The following OAS2 variants were observed in gnomAD, a reference collection of about 807,000 sequenced individuals.
OAS2 encodes 2'-5'-oligoadenylate synthetase 2.
Under a neutral mutation model 71.3 loss-of-function variants are expected in OAS2, and 67 were observed. That is an observed-to-expected ratio of 0.94 (90% CI 0.77 to 1.15). OAS2 has a LOEUF of 1.15. OAS2 is among the 50% of genes most tolerant of loss of function. OAS2 has a pLI of 0.00. For missense variants in OAS2, 789 were observed against 822.5 expected, an observed-to-expected ratio of 0.96 and a Z score of 0.50; for synonymous variants, 327 against 321.8, an observed-to-expected ratio of 1.02 and a Z score of -0.17.
chr12:113,009,007 G>A, intron 9 of OAS2, 80 bp from the exon 10 acceptor site: 1 of 1,535,778 alleles, frequency 6.5e-7, no homozygotes, highest in Non-Finnish European at 8.7e-7. Flanking sequence ...TCTTATTGCT[G>A]AAAGTATTAT....
intron 5 of OAS2, among the ~76,000 whole-genome samples, chr12:113,001,149 G>A (rs1411557387): frequency 6.6e-6 from 1 of 151,868 alleles, no homozygotes; most frequent in Non-Finnish European, 1.5e-5. Flanking sequence ...TTTGAGACCA[G>A]CCTGAGCAAC....
intron 7 of OAS2, among the ~76,000 whole-genome samples, 166 bp from the exon 8 acceptor site, chr12:113,006,247 T>C (rs931336008): frequency 3.3e-5 from 5 of 152,254 alleles, no homozygotes; most frequent in Admixed American, 3.3e-4. Flanking sequence ...TTTACATATC[T>C]CATTATTCTG....
Position 113,003,051 on chromosome 12 carries a change from C to T in OAS2, c.1128C>T (p.Phe376=). 1 of 1,614,166 alleles carries T rather than the reference C, an allele frequency of 6.2e-7. No homozygotes were observed. The highest frequency in any genetic ancestry group is 8.5e-7 in the Non-Finnish European group (1 of 1,180,004). Residue 376 remains phenylalanine, a synonymous_variant, in exon 6 of 10, where the codon TTC becomes TTT. Coordinates refer to ENST00000392583, the MANE Select transcript of OAS2 (RefSeq NM_002535.3). Reference sequence around the variant, plus strand: ...GTGCTGTTAACATCATCCGTACATTCCTTAAAGAAAACTGCTTCCGACAAT... The same window carrying T: ...GTGCTGTTAACATCATCCGTACATTTCTTAAAGAAAACTGCTTCCGACAAT... ...IDSAVNIIRT[F]LKENCFRQST...
chr12:113,008,286 T>C (rs1265463036), intron 9 of OAS2, among the ~76,000 whole-genome samples: 1 of 152,156 alleles, frequency 6.6e-6, no homozygotes, highest in African/African-American at 2.4e-5. Flanking sequence ...ATCTACTCTT[T>C]CAGACCTTCA....
Position 113,010,472 on chromosome 12 carries a change from A to G in OAS2, c.*1217A>G, listed in dbSNP as rs751594550. The stretch of plus-strand genomic sequence containing the variant: ...ATAGAATCCTGAATAATAATTCTAA[A>G]AGAAACTTCTAGAGATCATCTGGCA... On this transcript the variant is annotated 3_prime_UTR_variant, in exon 10 of 10. Transcript: ENST00000392583. 1.9e-6 allele frequency: 3 copies of G among 1,613,568 alleles called. No individual in the cohort carries two copies. The Admixed American group carries it at 5.0e-5, about 27-fold the overall frequency.
At chr12:112,997,454 T>C in intron 3 of OAS2, 66 bp from the exon 4 acceptor site, 1 of 1,394,278 alleles carries the variant, frequency 7.2e-7, no homozygotes, top group East Asian at 2.3e-5. Flanking sequence ...GTTTCTTGAT[T>C]TCAGATCCCT....
chr12:112,995,422 G>A lies in OAS2; in HGVS notation c.575G>A (p.Arg192His), dbSNP rs201861824. 178 of 1,614,054 alleles carry A rather than the reference G, an allele frequency of 1.1e-4. No individual in the cohort carries two copies. The highest frequency in any genetic ancestry group is 1.6e-4 in the Middle Eastern group (1 of 6,062). ...TELQQKFFDNRPGKLKDLILL... is the reference protein window; with the variant it reads ...TELQQKFFDNHPGKLKDLILL... The stretch of plus-strand genomic sequence containing the variant: ...CTCCAGCAGAAGTTTTTTGACAACC[G>A]TCCTGGAAAACTAAAGGATTTGATC... Residue 192 changes from arginine (R) to histidine (H), a missense_variant, in exon 3 of 10, where the codon CGT becomes CAT. By Grantham distance (29) the Arg-to-His change is conservative. Transcript: ENST00000392583.
At position 112,987,258 on chromosome 12, in the gene OAS2, C is replaced by G. The variant is rs372375150; in HGVS notation, c.398C>G (p.Thr133Arg). 2.5e-5 allele frequency: 40 copies of G among 1,614,022 alleles called. No individual in the cohort carries two copies. The highest frequency in any genetic ancestry group is 3.3e-5 in the Non-Finnish European group (39 of 1,180,014). Residue 133 changes from threonine (T) to arginine (R), a missense_variant, in exon 2 of 10, where the codon ACA (threonine) becomes AGA (arginine). Coordinates refer to ENST00000392583, the MANE Select transcript of OAS2 (RefSeq NM_002535.3). ...SLDGFTIQVF[T>R]KNQRISFEVL... is the part of the protein sequence containing the mutation. ...GATGGGTTCACCATCCAGGTGTTCA[C>G]AAAAAATCAGAGAATCTCTTTCGAG... is the stretch of plus-strand genomic sequence containing the variant.
rs2044348573 is a variant in OAS2 at position 113,007,874 on chromosome 12, G to A, written c.1826G>A (p.Trp609Ter). Residue 609 changes from tryptophan to a stop codon, truncating the protein, a stop_gained, in exon 9 of 10, where the codon TGG (tryptophan) becomes TAG (stop). Transcript: ENST00000392583. LOFTEE classifies it high-confidence loss of function. ...VTQYQQLCIF[W>*]KVNYNFEDET... The stretch of plus-strand genomic sequence containing the variant: ...CAATATCAGCAGCTCTGCATCTTCT[G>A]GAAGGTCAATTACAACTTTGAAGAT... 1.2e-6 allele frequency: 2 copies of A among 1,614,034 alleles called. No individual in the cohort carries two copies. Among genetic ancestry groups the A allele is most frequent in the Admixed American group, 3.3e-5 (2 of 60,004 alleles).
At chr12:112,989,794 G>A (rs1262107244) in intron 2 of OAS2, among the ~76,000 whole-genome samples, 2 of 152,172 alleles carry the variant, frequency 1.3e-5, no homozygotes, top group Non-Finnish European at 2.9e-5. Context: ...TTTGCTGAGA[G>A]GAGAGGTCCA....
chr12:112,987,128 C>T lies in OAS2; in HGVS notation c.268C>T (p.Gln90Ter), dbSNP rs745870060. The T allele has an allele frequency of 3.1e-6, 5 of 1,614,040 alleles. No individual in the cohort carries two copies. The East Asian group carries it at 6.7e-5, about 22-fold the overall frequency. ...FFSDLKQFQD[Q>*]KRSQRDILDK... ...CAGTGACTTAAAACAATTCCAGGAT[C>T]AGAAGAGAAGCCAACGTGACATCCT... Residue 90 changes from glutamine (Q) to a stop codon, truncating the protein, a stop_gained, in exon 2 of 10, where the codon CAG becomes TAG. Transcript: ENST00000392583. LOFTEE classifies it high-confidence loss of function.
intron 2 of OAS2, among the ~76,000 whole-genome samples, chr12:112,991,524 G>A (rs7975318): frequency 0.32 from 45,475 of 140,178 alleles, 6,876 homozygotes; most frequent in Admixed American, 0.37. Flanking sequence ...GGTTCACTCC[G>A]GAAAGGCGGG....
In OAS2 at chr12:112,987,103, C is replaced by G. The variant is rs1268745293; in HGVS notation, c.243C>G (p.Phe81Leu). The change falls in exon 2 of 10, where the codon TTC becomes TTG. Residue 81 changes from phenylalanine (F) to leucine (L), a missense_variant. Phe to Leu is a conservative substitution (Grantham distance 22, BLOSUM62 0). Coordinates refer to ENST00000392583, the MANE Select transcript of OAS2 (RefSeq NM_002535.3). The part of the protein sequence containing the change: ...GNSDGTLVLF[F>L]SDLKQFQDQK... Reference sequence around the variant, plus strand: ...CCGATGGTACCCTTGTCCTCTTCTTCAGTGACTTAAAACAATTCCAGGATC... The same window carrying G: ...CCGATGGTACCCTTGTCCTCTTCTTGAGTGACTTAAAACAATTCCAGGATC... 1 of 1,614,174 alleles carries G rather than the reference C, an allele frequency of 6.2e-7. No homozygotes were observed. The highest frequency in any genetic ancestry group is 1.1e-5 in the South Asian group (1 of 91,082).
At position 113,005,088 on chromosome 12, in the gene OAS2, A is replaced by C. The variant is rs1452266605; in HGVS notation, c.1334A>C (p.Glu445Ala). The C allele has an allele frequency of 6.2e-7, 1 of 1,614,146 alleles. No individual in the cohort carries two copies. Among genetic ancestry groups the C allele is most frequent in the Non-Finnish European group, 8.5e-7 (1 of 1,180,020 alleles). Residue 445 changes from glutamate to alanine, a missense_variant, in exon 7 of 10, where the codon GAG (glutamate) becomes GCG (alanine). Glu to Ala is a moderately radical substitution (Grantham distance 107). Coordinates refer to ENST00000392583, the MANE Select transcript of OAS2 (RefSeq NM_002535.3). ...GAACAGCTGAAAGCCTTTTGGAGGG[A>C]GAAGGAGGAGGAGCTTGAAGTCAGC... is the stretch of plus-strand genomic sequence containing the variant. ...IHEQLKAFWR[E>A]KEEELEVSFE...
At chr12:112,993,813 C>G (rs1326965953) in intron 2 of OAS2, among the ~76,000 whole-genome samples, 2 of 152,006 alleles carry the variant, frequency 1.3e-5, no homozygotes, top group Non-Finnish European at 2.9e-5. Flanking sequence ...TTTGAGGGTA[C>G]AGTGAGCTAT....
intron 4 of OAS2, 113 bp from the exon 5 acceptor site, chr12:112,998,153 C>T: frequency 8.5e-7 from 1 of 1,171,156 alleles, no homozygotes; most frequent in Non-Finnish European, 1.2e-6. Flanking sequence ...GGAGGAGCTG[C>T]AGGAATCCAA....
intron 2 of OAS2, among the ~76,000 whole-genome samples, chr12:112,992,540 G>C (rs944300179): frequency 3.9e-5 from 6 of 152,138 alleles, no homozygotes; most frequent in Admixed American, 6.5e-5. Context: ...CATGGCCAGA[G>C]TACCTTCCAT....
intron 5 of OAS2, 146 bp from the exon 6 acceptor site, chr12:113,002,785 CA>C (rs2044300665): frequency 2.9e-6 from 2 of 683,756 alleles, no homozygotes; most frequent in Non-Finnish European, 5.1e-6. Flanking sequence ...TGTATTTGTG[CA>C]ATGACAAAAG....
chr12:112,998,387 C>A lies in OAS2; in HGVS notation c.985C>A (p.Pro329Thr). The change falls in exon 5 of 10, where the codon CCT becomes ACT. Residue 329 changes from proline to threonine, a missense_variant. Physicochemically the swap from Pro to Thr is conservative, Grantham distance 38. Coordinates refer to ENST00000392583, the MANE Select transcript of OAS2 (RefSeq NM_002535.3). Reference protein sequence around the residue: ...LTSPNLDNELPAPSWNVLPAP... With the variant: ...LTSPNLDNELTAPSWNVLPAP... ...TTCTCCCAACCTGGATAATGAGTTA[C>A]CTGCACCATCTTGGAATGTTCTGGT... is the stretch of plus-strand genomic sequence containing the variant. 6.2e-7 allele frequency: 1 copy of A among 1,611,412 alleles called. No individual in the cohort carries two copies.
Sources: allele counts gnomAD v4.1 joint callset (sites outside exome capture counted in the v4.1 genomes callset), GRCh38; gene constraint gnomAD v4.1.1; transcripts MANE v1.5; gene names NCBI Gene and HGNC (gene_info 2026-07-23, HGNC 2026-07-21).